FOS: variants seen among roughly 807,000 people sequenced by gnomAD.
The protein encoded by FOS is Fos proto-oncogene, AP-1 transcription factor subunit.
Under a neutral mutation model 27.2 loss-of-function variants are expected in FOS, and 9 were observed. That is an observed-to-expected ratio of 0.33 (90% CI 0.20 to 0.58). FOS has a LOEUF of 0.58. Among genes scored for constraint, FOS ranks in the 20% least tolerant of loss-of-function variants. The pLI is 0.87. For missense variants in FOS, 405 were observed against 483.5 expected (o/e 0.84, Z 1.52); for synonymous variants, 213 against 205.1 (o/e 1.04, Z -0.33).
Position 75,281,842 on chromosome 14 carries a change from A to G in FOS, c.*418A>G, listed in dbSNP as rs1183074822. The G allele has an allele frequency of 4.8e-6, 1 of 206,364 alleles. No individual in the cohort carries two copies. The highest frequency in any genetic ancestry group is 1.0e-5 in the Non-Finnish European group (1 of 98,602). The allele number at this position is 206,364 out of a possible 1,614,324, so 12.8% of individuals were successfully genotyped here. ...AGTGCAGCTGATTTTAACAATAACT[A>G]CTGTGTTCCTGGCAATAGTGTGTTC... On this transcript the variant is annotated 3_prime_UTR_variant, in exon 4 of 4. Transcript: ENST00000303562. The surrounding 1 kb of genome is among the most constrained non-coding windows in gnomAD (Gnocchi z 4.7).
rs759360177 is a variant in FOS at position 75,280,930 on chromosome 14, T to C, written c.649T>C (p.Ser217Pro). The C allele has an allele frequency of 1.2e-6, 2 of 1,614,172 alleles. No individual in the cohort carries two copies. The highest frequency in any genetic ancestry group is 2.2e-5 in the South Asian group (2 of 91,082). ...PDDLGFPEEM[S>P]VASLDLTGGL... ...TGACCTGGGCTTCCCAGAAGAGATG[T>C]CTGTGGCTTCCCTTGATCTGACTGG... The change falls in exon 4 of 4, where the codon TCT (serine) becomes CCT (proline). Residue 217 changes from serine to proline, a missense_variant. By Grantham distance (74) the Ser-to-Pro change is moderately conservative. Coordinates refer to ENST00000303562, the MANE Select transcript of FOS (RefSeq NM_005252.4).
intron 2 of FOS, 33 bp from the exon 3 acceptor site, chr14:75,280,527 C>A: frequency 6.4e-7 from 1 of 1,558,572 alleles, no homozygotes; most frequent in Non-Finnish European, 8.8e-7. Flanking sequence ...GACACTTTTA[C>A]TGAATGTCGG....
Position 75,279,696 on chromosome 14 carries a change from C to A in FOS, c.142-181C>A. ...GGCAGGATGGAAGAGACAGGCACTG[C>A]GCTGCGGAATGCCTGGGAGGAAAAG... is the stretch of plus-strand genomic sequence containing the variant. On this transcript the variant is annotated intron_variant, in intron 1 of 3. Transcript: ENST00000303562. This position sits in a 1 kb window ranked among gnomAD's most constrained non-coding sequence, Gnocchi z 5.4. The A allele has an allele frequency of 1.5e-6, 1 of 682,276 alleles. No homozygotes were observed. The highest frequency in any genetic ancestry group is 2.5e-6 in the Non-Finnish European group (1 of 400,854). 42.3% of individuals were successfully genotyped at this position (682,276 alleles called of 1,614,324 possible).
In FOS at chr14:75,281,906, G is replaced by A. The variant is rs1001600506; in HGVS notation, c.*482G>A. ...CCAATATTATACTAAGAAAAGATAC[G>A]ACTTTATTTTCTGGTAGATAGAAAT... is the stretch of plus-strand genomic sequence containing the variant. On this transcript the variant is annotated 3_prime_UTR_variant, in exon 4 of 4. Coordinates refer to ENST00000303562, the MANE Select transcript of FOS (RefSeq NM_005252.4). The surrounding 1 kb of genome is among the most constrained non-coding windows in gnomAD (Gnocchi z 4.7). 3 of 162,150 alleles carry A rather than the reference G, an allele frequency of 1.9e-5. No individual in the cohort carries two copies. The highest frequency in any genetic ancestry group is 1.8e-4 in the East Asian group (1 of 5,664). 10.0% of individuals were successfully genotyped at this position (162,150 alleles called of 1,614,324 possible).
rs1300189715 is a variant in FOS at position 75,282,035 on chromosome 14, A to G, written c.*611A>G. On this transcript the variant is annotated 3_prime_UTR_variant, in exon 4 of 4. Coordinates refer to ENST00000303562, the MANE Select transcript of FOS (RefSeq NM_005252.4). ...GTGGTCTGAATGTTCTGACATTAACAGTTTTCCATGAAAACGTTTTATTGT... is the reference window on the plus strand; with the variant it reads ...GTGGTCTGAATGTTCTGACATTAACGGTTTTCCATGAAAACGTTTTATTGT... 2.0e-5 allele frequency: 3 copies of G among 152,664 alleles called. No individual in the cohort carries two copies. The highest frequency in any genetic ancestry group is 2.4e-5 in the African/African-American group (1 of 41,452). 9.5% of individuals were successfully genotyped at this position (152,664 alleles called of 1,614,324 possible). A position where few individuals can be genotyped will look rare whatever the true frequency, so the allele number is the denominator to read the frequency against.
At position 75,279,706 on chromosome 14, in the gene FOS, T is replaced by A. The variant is rs140473472; in HGVS notation, c.142-171T>A. On this transcript the variant is annotated intron_variant, in intron 1 of 3. Transcript: ENST00000303562. This position sits in a 1 kb window ranked among gnomAD's most constrained non-coding sequence, Gnocchi z 5.4. Reference sequence around the variant, plus strand: ...AAGAGACAGGCACTGCGCTGCGGAATGCCTGGGAGGAAAAGGGGGAGACCT... The same window carrying A: ...AAGAGACAGGCACTGCGCTGCGGAAAGCCTGGGAGGAAAAGGGGGAGACCT... 1.4e-4 allele frequency: 103 copies of A among 734,756 alleles called. No individual in the cohort carries two copies. The highest frequency in any genetic ancestry group is 1.4e-3 in the African/African-American group (79 of 57,192). 45.5% of individuals were successfully genotyped at this position (734,756 alleles called of 1,614,324 possible). A position where few individuals can be genotyped will look rare whatever the true frequency, so the allele number is the denominator to read the frequency against.
intron 2 of FOS, 155 bp from the exon 3 acceptor site, chr14:75,280,405 G>A: frequency 1.4e-6 from 1 of 697,044 alleles, no homozygotes; most frequent in Non-Finnish European, 2.4e-6. Context: ...TTAAATGCAA[G>A]TCACACCTAG....
chr14:75,279,566 T>G lies in FOS; in HGVS notation c.142-311T>G. The G allele has an allele frequency of 2.1e-6, 1 of 466,338 alleles. No individual in the cohort carries two copies. The highest frequency in any genetic ancestry group is 3.8e-6 in the Non-Finnish European group (1 of 261,514). The allele number at this position is 466,338 out of a possible 1,614,324, so 28.9% of individuals were successfully genotyped here. ...GTTTCATTGATAAAAAGCGAGTTCA[T>G]TCTGGAGACTCCGGAGCGGCGCCTG... On this transcript the variant is annotated intron_variant, in intron 1 of 3. Coordinates refer to ENST00000303562, the MANE Select transcript of FOS (RefSeq NM_005252.4). The surrounding 1 kb of genome is among the most constrained non-coding windows in gnomAD (Gnocchi z 5.4).
rs768130832 is a variant in FOS, at chr14:75,280,635, C to A, written c.469C>A (p.Arg157=). 5 of 1,614,022 alleles carry A rather than the reference C, an allele frequency of 3.1e-6. No homozygotes were observed. In the Admixed American group the frequency reaches 8.3e-5, roughly 27 times the overall value. Residue 157 remains arginine (R), a synonymous_variant, in exon 3 of 4, where the codon CGG becomes AGG. Coordinates refer to ENST00000303562, the MANE Select transcript of FOS (RefSeq NM_005252.4). The stretch of plus-strand genomic sequence containing the variant: ...GATGGCTGCAGCCAAATGCCGCAAC[C>A]GGAGGAGGGAGCTGACTGATACACT... ...NKMAAAKCRN[R]RRELTDTLQA...
At position 75,279,700 on chromosome 14, in the gene FOS, G is replaced by A; in HGVS notation, c.142-177G>A. On this transcript the variant is annotated intron_variant, in intron 1 of 3. Coordinates refer to ENST00000303562, the MANE Select transcript of FOS (RefSeq NM_005252.4). The surrounding 1 kb of genome is among the most constrained non-coding windows in gnomAD (Gnocchi z 5.4). ...GGATGGAAGAGACAGGCACTGCGCTGCGGAATGCCTGGGAGGAAAAGGGGG... is the reference window on the plus strand; with the variant it reads ...GGATGGAAGAGACAGGCACTGCGCTACGGAATGCCTGGGAGGAAAAGGGGG... The A allele has an allele frequency of 1.4e-6, 1 of 706,996 alleles. No homozygotes were observed. Among genetic ancestry groups the A allele is most frequent in the Non-Finnish European group, 2.4e-6 (1 of 421,004 alleles). 43.8% of individuals were successfully genotyped at this position (706,996 alleles called of 1,614,324 possible).
At position 75,280,047 on chromosome 14, in the gene FOS, G is replaced by T. The variant is rs1444401117; in HGVS notation, c.312G>T (p.Gly104=). 1 of 1,614,142 alleles carries T rather than the reference G, an allele frequency of 6.2e-7. No individual in the cohort carries two copies. The highest frequency in any genetic ancestry group is 2.2e-5 in the East Asian group (1 of 44,882). ...TCGGAGTCCCCGCCCCCTCCGCTGG[G>T]GCTTACTCCAGGGCTGGCGTTGTGA... ...HPFGVPAPSA[G]AYSRAGVVKT... is the part of the protein sequence containing the mutation. Residue 104 remains glycine (G), a synonymous_variant, in exon 2 of 4, where the codon GGG becomes GGT. Transcript: ENST00000303562.
chr14:75,280,194 C>A, intron 2 of FOS, 66 bp downstream of exon 2: 1 of 1,604,996 alleles, frequency 6.2e-7, no homozygotes, highest in Admixed American at 1.7e-5. Flanking sequence ...CCCGGAGATG[C>A]AGGAGCCCAG....
rs1048128094 is a variant in FOS at position 75,279,499 on chromosome 14, A to G, written c.141+376A>G. On this transcript the variant is annotated intron_variant, in intron 1 of 3. Transcript: ENST00000303562. This position sits in a 1 kb window ranked among gnomAD's most constrained non-coding sequence, Gnocchi z 5.4. ...CCCCCGGCAGCCTGGAGCACGGAGG[A>G]GGGATGAGGGAGGAGGGTGCAGCGG... is the stretch of plus-strand genomic sequence containing the variant. The G allele has an allele frequency of 6.9e-6, 3 of 437,336 alleles. No homozygotes were observed. The highest frequency in any genetic ancestry group is 1.2e-5 in the Non-Finnish European group (3 of 243,202). The allele number at this position is 437,336 out of a possible 1,614,324, so 27.1% of individuals were successfully genotyped here.
At position 75,280,911 on chromosome 14, in the gene FOS, G is replaced by T. The variant is rs1200195761; in HGVS notation, c.630G>T (p.Leu210=). ...HRPACKIPDD[L]GFPEEMSVAS... Reference sequence around the variant, plus strand: ...CTGCCTGCAAGATCCCTGATGACCTGGGCTTCCCAGAAGAGATGTCTGTGG... The same window carrying T: ...CTGCCTGCAAGATCCCTGATGACCTTGGCTTCCCAGAAGAGATGTCTGTGG... Residue 210 remains leucine (L), a synonymous_variant, in exon 4 of 4, where the codon CTG becomes CTT. Transcript: ENST00000303562. 1 of 1,614,144 alleles carries T rather than the reference G, an allele frequency of 6.2e-7. No homozygotes were observed. The highest frequency in any genetic ancestry group is 8.5e-7 in the Non-Finnish European group (1 of 1,180,014).
Position 75,279,081 on chromosome 14 carries a change from C to T in FOS, c.99C>T (p.Pro33=), listed in dbSNP as rs753174473. ...AGDSLSYYHS[P]ADSFSSMGSP... is the part of the protein sequence containing the mutation. Reference sequence around the variant, plus strand: ...ATAGCCTCTCTTACTACCACTCACCCGCAGACTCCTTCTCCAGCATGGGCT... The same window carrying T: ...ATAGCCTCTCTTACTACCACTCACCTGCAGACTCCTTCTCCAGCATGGGCT... The change falls in exon 1 of 4, where the codon CCC becomes CCT. Residue 33 remains proline, a synonymous_variant. Transcript: ENST00000303562. The surrounding 1 kb of genome is among the most constrained non-coding windows in gnomAD (Gnocchi z 5.4). 4.3e-6 allele frequency: 7 copies of T among 1,613,674 alleles called. No individual in the cohort carries two copies. The highest frequency in any genetic ancestry group is 2.2e-5 in the East Asian group (1 of 44,880).
rs1897200033 is a variant in FOS at position 75,279,381 on chromosome 14, T to C, written c.141+258T>C. ...TGGTCTGCACTCCAGGACGGATCTCTGACATTAGCTGGAGCAGACGTGTCC... is the reference window on the plus strand; with the variant it reads ...TGGTCTGCACTCCAGGACGGATCTCCGACATTAGCTGGAGCAGACGTGTCC... On this transcript the variant is annotated intron_variant, in intron 1 of 3. Coordinates refer to ENST00000303562, the MANE Select transcript of FOS (RefSeq NM_005252.4). This position sits in a 1 kb window ranked among gnomAD's most constrained non-coding sequence, Gnocchi z 5.4. 3.7e-6 allele frequency: 2 copies of C among 540,122 alleles called. No homozygotes were observed. The highest frequency in any genetic ancestry group is 3.4e-5 in the East Asian group (1 of 29,780). The allele number at this position is 540,122 out of a possible 1,614,324, so 33.5% of individuals were successfully genotyped here.
Position 75,278,859 on chromosome 14 carries a change from A to G in FOS, c.-124A>G, listed in dbSNP as rs536802951. 247 of 1,191,912 alleles carry G rather than the reference A, an allele frequency of 2.1e-4. 1 individual carries two copies. The South Asian group carries it at 3.3e-3, about 16-fold the overall frequency. 73.8% of individuals were successfully genotyped at this position (1,191,912 alleles called of 1,614,324 possible). A position where few individuals can be genotyped will look rare whatever the true frequency, so the allele number is the denominator to read the frequency against. ...ATCTGCAGCGAGCATCTGAGAAGCC[A>G]AGACTGAGCCGGCGGCCGCGGCGCA... On this transcript the variant is annotated 5_prime_UTR_variant, in exon 1 of 4. Transcript: ENST00000303562. This position sits in a 1 kb window ranked among gnomAD's most constrained non-coding sequence, Gnocchi z 4.1.
rs754314937 is a variant in FOS at position 75,279,060 on chromosome 14, C to T, written c.78C>T (p.Ser26=). 6.2e-7 allele frequency: 1 copy of T among 1,613,726 alleles called. No individual in the cohort carries two copies. ...RCSSASPAGD[S]LSYYHSPADS... ...GCAGCGCGTCCCCGGCCGGGGATAG[C>T]CTCTCTTACTACCACTCACCCGCAG... is the stretch of plus-strand genomic sequence containing the variant. The change falls in exon 1 of 4, where the codon AGC becomes AGT. Residue 26 remains serine, a synonymous_variant. Coordinates refer to ENST00000303562, the MANE Select transcript of FOS (RefSeq NM_005252.4). This position sits in a 1 kb window ranked among gnomAD's most constrained non-coding sequence, Gnocchi z 5.4.
Position 75,278,956 on chromosome 14 carries a change from C to G in FOS, c.-27C>G. 1 of 1,612,824 alleles carries G rather than the reference C, an allele frequency of 6.2e-7. No homozygotes were observed. Among genetic ancestry groups the G allele is most frequent in the Non-Finnish European group, 8.5e-7 (1 of 1,179,734 alleles). ...CCCACCTGTCTCCGCCCCTCGGCCC[C>G]TCGCCCGGCTTTGCCTAACCGCCAC... On this transcript the variant is annotated 5_prime_UTR_variant, in exon 1 of 4. Transcript: ENST00000303562. This position sits in a 1 kb window ranked among gnomAD's most constrained non-coding sequence, Gnocchi z 4.1.
Sources: allele counts gnomAD v4.1 joint callset, GRCh38; gene constraint gnomAD v4.1.1; non-coding constraint Gnocchi (gnomAD v3.1); transcripts MANE v1.5; gene names NCBI Gene and HGNC (gene_info 2026-07-23, HGNC 2026-07-21).